The following PCDHA3 variants were observed in gnomAD, a reference collection of about 807,000 sequenced individuals.
PCDHA3 encodes the protein protocadherin alpha-3.
Under a neutral mutation model 62.2 loss-of-function variants are expected in PCDHA3, and 41 were observed. That is an observed-to-expected ratio of 0.66 (90% CI 0.51 to 0.86). The LOEUF is 0.86. Among genes scored for constraint, PCDHA3 ranks in the 40% least tolerant of loss-of-function variants. PCDHA3 has a pLI of 0.00. For synonymous variants in PCDHA3, 640 were observed against 555.4 expected (o/e 1.15, Z -2.14); for missense variants, 1,304 against 1,241.2 (o/e 1.05, Z -0.76).
At chr5:140,848,580 G>C (rs2150413370) in intron 1 of PCDHA3, 5 of 1,595,144 alleles carry the variant, frequency 3.1e-6, no homozygotes, top group African/African-American at 1.3e-5. Context: ...GGTGGGGAGC[G>C]GCCAGCTCCA....
chr5:140,910,053 G>C (rs2074856503), intron 1 of PCDHA3, among the ~76,000 whole-genome samples: 1 of 152,170 alleles, frequency 6.6e-6, no homozygotes, highest in Non-Finnish European at 1.5e-5. Context: ...CATAATAAGT[G>C]ATCTTTTAAC....
chr5:141,001,518 C>G (rs573560944), intron 3 of PCDHA3, among the ~76,000 whole-genome samples: 2 of 152,272 alleles, frequency 1.3e-5, no homozygotes, highest in East Asian at 1.9e-4. Context: ...AGCTTTCTCC[C>G]TCTCTCTCTG....
chr5:140,883,332 T>A, intron 1 of PCDHA3: 1 of 1,614,174 alleles, frequency 6.2e-7, no homozygotes, highest in East Asian at 2.2e-5. Context: ...ATCACTTCTT[T>A]GTCACTCCCC....
chr5:140,828,212 C>T, intron 1 of PCDHA3: 1 of 1,614,066 alleles, frequency 6.2e-7, no homozygotes, highest in South Asian at 1.1e-5. Flanking sequence ...GGAGGCCAAA[C>T]ACGGCACCTT....
chr5:140,910,058 T>A (rs571957156), intron 1 of PCDHA3, among the ~76,000 whole-genome samples: 5 of 152,344 alleles, frequency 3.3e-5, no homozygotes, highest in African/African-American at 9.6e-5. Flanking sequence ...TAAGTGATCT[T>A]TTAACAGCGT....
In PCDHA3 at chr5:140,801,383, C is replaced by A. The variant is rs782436436; in HGVS notation, c.186C>A (p.Arg62=). 15 of 1,613,546 alleles carry A rather than the reference C, an allele frequency of 9.3e-6. No individual in the cohort carries two copies. The highest frequency in any genetic ancestry group is 1.8e-4 in the Middle Eastern group (1 of 5,636). The part of the protein sequence containing the change: ...LGLELAELVP[R]LFRVASKRHG... ...TGGAGCTGGCGGAGCTGGTGCCGCG[C>A]CTGTTCCGGGTGGCGTCCAAAAGAC... The change falls in exon 1 of 4, where the codon CGC becomes CGA. Residue 62 remains arginine (R), a synonymous_variant. Transcript: ENST00000522353.
intron 1 of PCDHA3, chr5:140,857,210 C>T (rs2044424463): frequency 1.3e-6 from 2 of 1,598,628 alleles, no homozygotes; most frequent in East Asian, 4.5e-5. Flanking sequence ...CACCTGCTCT[C>T]TGACGCCTCA....
intron 1 of PCDHA3, among the ~76,000 whole-genome samples, chr5:140,855,727 T>A (rs782065766): frequency 6.7e-6 from 1 of 149,598 alleles, no homozygotes; most frequent in Admixed American, 6.7e-5. Context: ...TGTTATTAAC[T>A]ATAAAGAGAC....
chr5:140,882,898 A>T lies in PCDHA3; in HGVS notation c.2394+79307A>T, dbSNP rs781828373. 6 of 1,614,100 alleles carry T rather than the reference A, an allele frequency of 3.7e-6. No individual in the cohort carries two copies. In the Admixed American group the frequency reaches 5.0e-5, roughly 13 times the overall value. On this transcript the variant is annotated intron_variant, in intron 1 of 3. Coordinates refer to ENST00000522353, the MANE Select transcript of PCDHA3 (RefSeq NM_018906.3). ...GAGAGGAAATTCAGGAACATAGTTT[A>T]TTACTGACAGCCAGTGATGGAGGTA...
At chr5:140,902,860 G>C (rs1360454438) in intron 1 of PCDHA3, among the ~76,000 whole-genome samples, 1 of 152,130 alleles carries the variant, frequency 6.6e-6, no homozygotes, top group Non-Finnish European at 1.5e-5. Context: ...ATGGCGTCCA[G>C]GTCCACCCAA....
chr5:140,806,093 T>C lies in PCDHA3; in HGVS notation c.2394+2502T>C, dbSNP rs139590194. 9.4e-4 allele frequency among the ~76,000 whole-genome samples: 143 copies of C among 152,214 alleles called. 1 individual carries two copies. The highest frequency in any genetic ancestry group is 3.3e-3 in the African/African-American group (138 of 41,536). On this transcript the variant is annotated intron_variant, in intron 1 of 3. Coordinates refer to ENST00000522353, the MANE Select transcript of PCDHA3 (RefSeq NM_018906.3). ...CTGCAGTTTGTAAAAGAAGAAAAAA[T>C]ACCTGTTCAATTGGTTTGATCATGA... is the stretch of plus-strand genomic sequence containing the variant.
At chr5:140,965,388 C>A (rs2095896527) in intron 1 of PCDHA3, among the ~76,000 whole-genome samples, 1 of 151,982 alleles carries the variant, frequency 6.6e-6, no homozygotes, top group Non-Finnish European at 1.5e-5. Flanking sequence ...CACAGAAGAA[C>A]AGAAGTCTAA....
At chr5:140,842,787 T>G (rs1554139371) in intron 1 of PCDHA3, 1 of 1,594,358 alleles carries the variant, frequency 6.3e-7, no homozygotes, top group African/African-American at 1.3e-5. Flanking sequence ...GAGAACGCGC[T>G]GGTGTCCTAC....
intron 1 of PCDHA3, 119 bp from the exon 2 acceptor site, chr5:140,978,830 C>A: frequency 1.3e-6 from 2 of 1,535,340 alleles, no homozygotes; most frequent in Non-Finnish European, 1.8e-6. Context: ...TGAAATGGCT[C>A]ATTCAATACT....
At chr5:140,829,835 C>T (rs2150175737) in intron 1 of PCDHA3, 4 of 1,613,904 alleles carry the variant, frequency 2.5e-6, no homozygotes, top group Non-Finnish European at 3.4e-6. Flanking sequence ...CGAGCTGGTG[C>T]CGCGGTCACT....
At position 140,830,355 on chromosome 5, in the gene PCDHA3, G is replaced by T. The variant is rs2150185270; in HGVS notation, c.2394+26764G>T. The T allele has an allele frequency of 1.8e-5, 29 of 1,614,002 alleles. No individual in the cohort carries two copies. The African/African-American group carries it at 2.7e-4, about 15-fold the overall frequency. ...AGCTGGTCGTACTCGCAGCAGAGGC[G>T]GCAGAGGGTGTGCTCCGGGGAGGGC... On this transcript the variant is annotated intron_variant, in intron 1 of 3. Coordinates refer to ENST00000522353, the MANE Select transcript of PCDHA3 (RefSeq NM_018906.3).
intron 1 of PCDHA3, chr5:140,828,380 G>A: frequency 6.2e-7 from 1 of 1,603,638 alleles, no homozygotes; most frequent in South Asian, 1.1e-5. Flanking sequence ...GGAGCTGTGC[G>A]GGCGGAGCGC....
intron 1 of PCDHA3, chr5:140,823,748 T>A (rs2150128798): frequency 1.9e-6 from 3 of 1,613,836 alleles, no homozygotes. Context: ...GAGCCCCCGC[T>A]GACAGCCACA....
At chr5:140,848,501 A>G (rs2150411434) in intron 1 of PCDHA3, 1 of 1,586,022 alleles carries the variant, frequency 6.3e-7, no homozygotes, top group African/African-American at 1.4e-5. Flanking sequence ...TTGAAATGTT[A>G]TACTCAAGTC....
Sources: gnomAD v4.1 joint callset for allele counts (sites outside exome capture counted in the v4.1 genomes callset) on GRCh38, gnomAD v4.1.1 for gene constraint, MANE v1.5 for transcripts, NCBI Gene and HGNC (gene_info 2026-07-23, HGNC 2026-07-21) for gene names.